IMMP2L: variants seen among roughly 807,000 people sequenced by gnomAD.
The protein encoded by IMMP2L is mitochondrial inner membrane protease subunit 2.
In IMMP2L, 18 loss-of-function variants were observed where a neutral mutation model predicts 19.3. The observed-to-expected ratio is 0.93, with a 90% CI of 0.64 to 1.38. IMMP2L has a LOEUF of 1.38. IMMP2L is among the 40% of genes most tolerant of loss of function. IMMP2L has a pLI of 0.00. For missense variants in IMMP2L, 233 were observed against 218.2 expected (o/e 1.07, Z -0.43); for synonymous variants, 76 against 73.0 (o/e 1.04, Z -0.21).
At chr7:111,010,370 G>C (rs926228294) in intron 3 of IMMP2L, among the ~76,000 whole-genome samples, 2 of 152,084 alleles carry the variant, frequency 1.3e-5, no homozygotes, top group Admixed American at 1.3e-4. Context: ...CATGGAGATA[G>C]ATCTTAACAT....
intron 3 of IMMP2L, among the ~76,000 whole-genome samples, chr7:111,217,118 TCTCTCTCTCACACA>T: frequency 6.9e-6 from 1 of 144,476 alleles, no homozygotes; most frequent in East Asian, 1.9e-4. Context: ...TCTCTCTCTC[TCTCTCTCTCACACA>T]CACACACACA....
chr7:111,014,388 T>TAC (rs928593602), intron 3 of IMMP2L, among the ~76,000 whole-genome samples: 1 of 151,716 alleles, frequency 6.6e-6, no homozygotes, highest in African/African-American at 2.4e-5. Flanking sequence ...TATATATATA[T>TAC]ACACACACAC....
rs546730403 is a variant in IMMP2L, at chr7:111,539,442, AT to A, written c.-2-17994del. ...TCCACCCAACTATAAGGCATTAAGAATTTTTTTCCCAATTAACAGCTGATTT... is the reference window on the plus strand; with the variant it reads ...TCCACCCAACTATAAGGCATTAAGAATTTTTTCCCAATTAACAGCTGATTT... On this transcript the variant is annotated intron_variant, in intron 1 of 5. Coordinates refer to ENST00000405709, the MANE Select transcript of IMMP2L (RefSeq NM_032549.4). 2.4e-3 allele frequency among the ~76,000 whole-genome samples: 367 copies of A among 152,062 alleles called. 3 individuals carry two copies. Among genetic ancestry groups the A allele is most frequent in the African/African-American group, 8.4e-3 (349 of 41,506 alleles).
chr7:110,844,693 T>TAGCGCAACAGCA (rs1563019069), intron 5 of IMMP2L, among the ~76,000 whole-genome samples: 2 of 116,740 alleles, frequency 1.7e-5, no homozygotes, highest in Non-Finnish European at 3.5e-5. Context: ...GGGAAGACAG[T>TAGCGCAACAGCA]TAAGAAACTT....
chr7:111,159,528 C>G (rs2129605994), intron 3 of IMMP2L, among the ~76,000 whole-genome samples: 1 of 152,040 alleles, frequency 6.6e-6, no homozygotes, highest in South Asian at 2.1e-4. Context: ...ATTAAGAAAA[C>G]ACTCAGCCAG....
At chr7:111,525,095 AT>A (rs1218040883) in intron 1 of IMMP2L, among the ~76,000 whole-genome samples, 1 of 152,176 alleles carries the variant, frequency 6.6e-6, no homozygotes, top group Non-Finnish European at 1.5e-5. Flanking sequence ...TCACATAAAC[AT>A]ACATAAGAGT....
intron 5 of IMMP2L, among the ~76,000 whole-genome samples, chr7:110,795,366 A>T (rs1435066439): frequency 6.6e-6 from 1 of 152,120 alleles, no homozygotes; most frequent in Non-Finnish European, 1.5e-5. Context: ...TTTTAAAAAA[A>T]TCAGTATCCT....
intron 3 of IMMP2L, among the ~76,000 whole-genome samples, chr7:111,305,306 T>C (rs1822742997): frequency 1.3e-5 from 2 of 152,142 alleles, no homozygotes; most frequent in Admixed American, 6.6e-5. Context: ...TTCAGGGCTT[T>C]ACAAAGAAAT....
chr7:110,887,283 A>AT lies in IMMP2L; in HGVS notation c.306-589dup, dbSNP rs553973417. Among the ~76,000 whole-genome samples, 291 of 152,198 alleles carry AT rather than the reference A, an allele frequency of 1.9e-3. 2 individuals carry two copies. Among genetic ancestry groups the AT allele is most frequent in the African/African-American group, 6.7e-3 (279 of 41,554 alleles). ...GCACTAAAGTATTCCTAAAAATGAAATTTTTTTAACAATTGTGAAGACTAA... is the reference window on the plus strand; with the variant it reads ...GCACTAAAGTATTCCTAAAAATGAAATTTTTTTTAACAATTGTGAAGACTAA... On this transcript the variant is annotated intron_variant, in intron 4 of 5. Transcript: ENST00000405709.
At chr7:111,050,721 T>C (rs1792928020) in intron 3 of IMMP2L, among the ~76,000 whole-genome samples, 2 of 152,316 alleles carry the variant, frequency 1.3e-5, no homozygotes, top group East Asian at 1.9e-4. Context: ...AAAAAATATA[T>C]CATTTTGGGT....
chr7:111,093,250 T>C (rs931627651), intron 3 of IMMP2L, among the ~76,000 whole-genome samples: 1 of 152,206 alleles, frequency 6.6e-6, no homozygotes, highest in Non-Finnish European at 1.5e-5. Flanking sequence ...TTGGCAGCTT[T>C]GCTCGCTCTG....
intron 3 of IMMP2L, among the ~76,000 whole-genome samples, chr7:111,198,099 T>A (rs1809696648): frequency 6.6e-6 from 1 of 152,208 alleles, no homozygotes; most frequent in Non-Finnish European, 1.5e-5. Flanking sequence ...AGATGGCATT[T>A]TGAAGCCATG....
At chr7:111,179,305 T>A (rs1248471322) in intron 3 of IMMP2L, among the ~76,000 whole-genome samples, 2 of 151,990 alleles carry the variant, frequency 1.3e-5, no homozygotes, top group Non-Finnish European at 2.9e-5. Flanking sequence ...ACAGGCTGCA[T>A]GCAGCCCAGG....
chr7:111,517,972 A>G (rs1193569188), intron 2 of IMMP2L, among the ~76,000 whole-genome samples: 1 of 152,148 alleles, frequency 6.6e-6, no homozygotes, highest in Non-Finnish European at 1.5e-5. Flanking sequence ...ACGGCTTTAT[A>G]AAAATCAAAT....
At chr7:111,481,985 A>G (rs1215527318) in intron 3 of IMMP2L, among the ~76,000 whole-genome samples, 1 of 152,218 alleles carries the variant, frequency 6.6e-6, no homozygotes, top group African/African-American at 2.4e-5. Context: ...TAGGCCCAGG[A>G]GTTCATGCCC....
intron 4 of IMMP2L, among the ~76,000 whole-genome samples, chr7:110,887,425 C>T (rs1271985287): frequency 6.6e-6 from 1 of 151,762 alleles, no homozygotes; most frequent in Non-Finnish European, 1.5e-5. Flanking sequence ...AATGTTTTTC[C>T]CTATACTTCC....
intron 2 of IMMP2L, among the ~76,000 whole-genome samples, chr7:111,505,396 C>A (rs1212858871): frequency 6.6e-6 from 1 of 151,770 alleles, no homozygotes; most frequent in Non-Finnish European, 1.5e-5. Flanking sequence ...CTAGTTCAAC[C>A]ATTGTGGAAG....
chr7:111,256,097 AT>A (rs1393900202), intron 3 of IMMP2L, among the ~76,000 whole-genome samples: 2 of 152,168 alleles, frequency 1.3e-5, no homozygotes, highest in Admixed American at 1.3e-4. Context: ...TTTGGGAAGT[AT>A]TTTTATTTAA....
At chr7:110,663,790 G>A in intron 5 of IMMP2L, 69 bp from the exon 6 acceptor site, 1 of 1,113,910 alleles carries the variant, frequency 9.0e-7, no homozygotes, top group Non-Finnish European at 1.3e-6. Flanking sequence ...TTAATAGCTT[G>A]AAAGCAGAAT....
Sources: allele counts gnomAD v4.1 joint callset (sites outside exome capture counted in the v4.1 genomes callset), GRCh38; gene constraint gnomAD v4.1.1; transcripts MANE v1.5; gene names NCBI Gene and HGNC (gene_info 2026-07-23, HGNC 2026-07-21).